YPEL1: variants seen among roughly 807,000 people sequenced by gnomAD.
YPEL1 encodes yippee like 1, also known as protein yippee-like 1.
A neutral mutation model predicts 17.3 loss-of-function variants in YPEL1; 7 were observed. The observed-to-expected ratio is 0.40, with a 90% CI of 0.23 to 0.76. The LOEUF (loss-of-function observed/expected upper bound fraction) is 0.76, where lower values mean the gene tolerates loss of function less well. Among genes scored for constraint, YPEL1 ranks in the 30% least tolerant of loss-of-function variants. The probability of loss-of-function intolerance (pLI) is 0.35; values close to 1 mark genes in which losing one functional copy is unlikely to be tolerated. For missense variants in YPEL1, 91 were observed against 155.5 expected (o/e 0.59, Z 2.21); for synonymous variants, 59 against 59.6 (o/e 0.99, Z 0.05).
intron 1 of YPEL1, among the ~76,000 whole-genome samples, chr22:21,718,152 A>AAACAACAAC (rs771000109): frequency 4.0e-5 from 6 of 150,278 alleles, no homozygotes; most frequent in African/African-American, 1.5e-4. Flanking sequence ...AACAAAAACA[A>AAACAACAAC]AACAACAACA....
intron 2 of YPEL1, among the ~76,000 whole-genome samples, chr22:21,704,845 T>C (rs1396116656): frequency 6.6e-6 from 1 of 152,128 alleles, no homozygotes; most frequent in Admixed American, 6.6e-5. Context: ...CTGATGCACT[T>C]GGTCACTCCC....
chr22:21,717,195 G>A (rs374703348), intron 1 of YPEL1, among the ~76,000 whole-genome samples: 3 of 152,188 alleles, frequency 2.0e-5, no homozygotes, highest in African/African-American at 7.2e-5. Flanking sequence ...GGCCAACACG[G>A]TGAAACCCCG....
At chr22:21,715,818 C>A (rs1367827158) in intron 1 of YPEL1, among the ~76,000 whole-genome samples, 1 of 135,408 alleles carries the variant, frequency 7.4e-6, no homozygotes, top group Non-Finnish European at 1.6e-5. Context: ...GGCTGGAGTG[C>A]AATGGCACGA....
rs375936363 is a variant in YPEL1, at chr22:21,703,512, C to T, written c.162-34G>A. 4.0e-4 allele frequency: 624 copies of T among 1,576,078 alleles called. 4 individuals carry two copies. Among genetic ancestry groups the T allele is most frequent in the Non-Finnish European group, 6.9e-5 (80 of 1,157,644 alleles). ...ACAGAGGGGCCACTGCGCTGCAGGC[C>T]CGGCCCGCCCCTGACCAGGCCCTGC... On this transcript the variant is annotated intron_variant, in intron 3 of 4. Transcript: ENST00000339468. The surrounding 1 kb of genome is among the most constrained non-coding windows in gnomAD (Gnocchi z 6.1).
rs1569057854 is a variant in YPEL1, at chr22:21,703,515, G to A, written c.162-37C>T. On this transcript the variant is annotated intron_variant, in intron 3 of 4. Transcript: ENST00000339468. The surrounding 1 kb of genome is among the most constrained non-coding windows in gnomAD (Gnocchi z 6.1). The stretch of plus-strand genomic sequence containing the variant: ...GAGGGGCCACTGCGCTGCAGGCCCG[G>A]CCCGCCCCTGACCAGGCCCTGCCCC... 1.9e-6 allele frequency: 3 copies of A among 1,566,090 alleles called. No homozygotes were observed. Among genetic ancestry groups the A allele is most frequent in the Admixed American group, 3.3e-5 (2 of 59,744 alleles).
At chr22:21,705,695 A>G (rs2068108298) in intron 2 of YPEL1, among the ~76,000 whole-genome samples, 1 of 152,206 alleles carries the variant, frequency 6.6e-6, no homozygotes, top group Admixed American at 6.5e-5. Flanking sequence ...CACAGGTTAC[A>G]GTGTTCATAA....
Position 21,703,941 on chromosome 22 carries a change from T to C in YPEL1, c.118-59A>G. On this transcript the variant is annotated intron_variant, in intron 2 of 4. Transcript: ENST00000339468. This position sits in a 1 kb window ranked among gnomAD's most constrained non-coding sequence, Gnocchi z 6.1. ...AGTGCTTTCTGGAACGAAGCGGTGC[T>C]GCCCAGAACCAGGGGAGTCCAGCCC... is the stretch of plus-strand genomic sequence containing the variant. 1.9e-6 allele frequency: 3 copies of C among 1,549,232 alleles called. No individual in the cohort carries two copies. The highest frequency in any genetic ancestry group is 2.6e-6 in the Non-Finnish European group (3 of 1,143,612).
chr22:21,717,392 AC>A (rs2068238219), intron 1 of YPEL1, among the ~76,000 whole-genome samples: 1 of 151,682 alleles, frequency 6.6e-6, no homozygotes, highest in Admixed American at 6.6e-5. Flanking sequence ...AAAAAAAAAA[AC>A]AAAAAAACAG....
chr22:21,709,249 C>T (rs2068142555), intron 2 of YPEL1, among the ~76,000 whole-genome samples: 1 of 152,138 alleles, frequency 6.6e-6, no homozygotes, highest in South Asian at 2.1e-4. Context: ...TGTCATTTTA[C>T]ACACTAAGCC....
chr22:21,722,800 C>A (rs1371405455), intron 1 of YPEL1: 1 of 152,138 alleles, frequency 6.6e-6, no homozygotes, highest in Non-Finnish European at 1.5e-5. Context: ...ACAAAGGACA[C>A]CTGTGTTAGG....
chr22:21,710,948 A>C, intron 1 of YPEL1, 40 bp from the exon 2 acceptor site: 1 of 596,478 alleles, frequency 1.7e-6, no homozygotes, highest in Non-Finnish European at 3.0e-6. Context: ...TACAGAGAGA[A>C]CATGCGTGTG....
rs373779370 is a variant in YPEL1, at chr22:21,703,330, A to T, written c.270+40T>A. On this transcript the variant is annotated intron_variant, in intron 4 of 4. Transcript: ENST00000339468. This position sits in a 1 kb window ranked among gnomAD's most constrained non-coding sequence, Gnocchi z 6.1. ...TGTGGCTCAGTGGCAACTTAGTGCC[A>T]CATCCCCTTGTGGCACGAGCATCCC... The T allele has an allele frequency of 6.3e-7, 1 of 1,585,424 alleles. No individual in the cohort carries two copies. Among genetic ancestry groups the T allele is most frequent in the Non-Finnish European group, 8.6e-7 (1 of 1,156,604 alleles).
chr22:21,709,685 G>C (rs916207851), intron 2 of YPEL1, among the ~76,000 whole-genome samples: 1 of 152,186 alleles, frequency 6.6e-6, no homozygotes, highest in Admixed American at 6.5e-5. Context: ...ACAACTTCCT[G>C]ACAAACTTTG....
At chr22:21,720,023 A>G (rs937863108) in intron 1 of YPEL1, among the ~76,000 whole-genome samples, 4 of 148,758 alleles carry the variant, frequency 2.7e-5, no homozygotes, top group African/African-American at 9.9e-5. Context: ...AAAAAAAAAA[A>G]AAAAATTAGC....
At position 21,701,184 on chromosome 22, in the gene YPEL1, T is replaced by A; in HGVS notation, c.305A>T (p.Glu102Val). ...HAFESSQKYKEGKFIIELAHM... is the reference protein window; with the variant it reads ...HAFESSQKYKVGKFIIELAHM... ...AGCAAGCTCAATGATGAATTTTCCT[T>A]CCTTATATTTCTGACTGCTCTCAAA... The change falls in exon 5 of 5, where the codon GAA becomes GTA. Residue 102 changes from glutamate (E) to valine (V), a missense_variant. Physicochemically the swap from Glu to Val is moderately radical, Grantham distance 121 (BLOSUM62 -2). Transcript: ENST00000339468. The A allele has an allele frequency of 6.2e-7, 1 of 1,614,036 alleles. No individual in the cohort carries two copies. The highest frequency in any genetic ancestry group is 8.5e-7 in the Non-Finnish European group (1 of 1,179,942).
At chr22:21,711,300 A>G (rs1411614309) in intron 1 of YPEL1, among the ~76,000 whole-genome samples, 3 of 152,180 alleles carry the variant, frequency 2.0e-5, no homozygotes, top group Non-Finnish European at 4.4e-5. Context: ...ACCACTTTAC[A>G]TTTAGTTGGA....
chr22:21,727,150 C>T (rs905861735), intron 1 of YPEL1, among the ~76,000 whole-genome samples: 1 of 152,176 alleles, frequency 6.6e-6, no homozygotes, highest in Non-Finnish European at 1.5e-5. Context: ...GGTCACTGCA[C>T]AGATGCCTCC....
intron 1 of YPEL1, among the ~76,000 whole-genome samples, chr22:21,721,311 G>C (rs1318301986): frequency 6.7e-6 from 1 of 148,988 alleles, no homozygotes. Flanking sequence ...GTAGAGATGA[G>C]GTTTCACCAT....
At chr22:21,706,867 A>T (rs1209902173) in intron 2 of YPEL1, among the ~76,000 whole-genome samples, 1 of 152,026 alleles carries the variant, frequency 6.6e-6, no homozygotes, top group East Asian at 1.9e-4. Context: ...ATAAATAAAT[A>T]AAAATAAAAA....
Sources: gnomAD v4.1 joint callset for allele counts (sites outside exome capture counted in the v4.1 genomes callset) on GRCh38, gnomAD v4.1.1 for gene constraint, Gnocchi (gnomAD v3.1) non-coding constraint, MANE v1.5 for transcripts, NCBI Gene and HGNC (gene_info 2026-07-23, HGNC 2026-07-21) for gene names.